The following PRMT8 variants were observed in gnomAD, a reference collection of about 807,000 sequenced individuals.
The protein encoded by PRMT8 is protein arginine N-methyltransferase 8.
A neutral mutation model predicts 47.1 loss-of-function variants in PRMT8; 7 were observed. The observed-to-expected ratio is 0.15, with a 90% CI of 0.08 to 0.28. The LOEUF (loss-of-function observed/expected upper bound fraction) is 0.28, where lower values mean the gene tolerates loss of function less well. PRMT8 is among the 10% of genes least tolerant of loss of function. The pLI, the probability that PRMT8 is intolerant of heterozygous loss-of-function variation, is 1.00. For missense variants in PRMT8, 237 were observed against 505.4 expected (o/e 0.47, Z 5.09); for synonymous variants, 188 against 186.5 (o/e 1.01, Z -0.07).
At chr12:3,490,821 G>T (rs1478880387), upstream of PRMT8, among the ~76,000 whole-genome samples, 1 of 149,094 alleles carries the variant, frequency 6.7e-6, no homozygotes, top group African/African-American at 2.4e-5. Flanking sequence ...ATCGTAATTC[G>T]CCGAGGAAGG....
At position 3,409,394 on chromosome 12, in the gene PRMT8, G is replaced by A. The variant is rs1166246981; in HGVS notation, c.48+27952G>A. Reference sequence around the variant, plus strand: ...CAGGCCCTGGGGAATAAGGCACCACGTAGTGGTGTCTCTAGACCTTGGGAT... The same window carrying A: ...CAGGCCCTGGGGAATAAGGCACCACATAGTGGTGTCTCTAGACCTTGGGAT... On this transcript the variant is annotated intron_variant, in intron 1 of 9. Coordinates refer to the PRMT8 transcript ENST00000452611. The surrounding 1 kb of genome is among the most constrained non-coding windows in gnomAD (Gnocchi z 4.4). Among the ~76,000 whole-genome samples the A allele has an allele frequency of 6.6e-6, 1 of 152,174 alleles. No individual in the cohort carries two copies. Among genetic ancestry groups the A allele is most frequent in the African/African-American group, 2.4e-5 (1 of 41,438 alleles).
chr12:3,474,052 C>T (rs553596951), intron 1 of PRMT8, among the ~76,000 whole-genome samples: 1 of 152,346 alleles, frequency 6.6e-6, no homozygotes, highest in Admixed American at 6.5e-5. Flanking sequence ...CCAGTCCATT[C>T]ACACAGCTGC....
intron 1 of PRMT8, among the ~76,000 whole-genome samples, chr12:3,440,301 A>G (rs1480218521): frequency 6.6e-6 from 1 of 152,006 alleles, no homozygotes; most frequent in African/African-American, 2.4e-5. Context: ...TCTACTAAAT[A>G]TACAAAAAAA....
intron 1 of PRMT8, among the ~76,000 whole-genome samples, chr12:3,424,823 G>A (rs765015296): frequency 2.0e-5 from 3 of 152,196 alleles, no homozygotes; most frequent in Middle Eastern, 3.4e-3. Flanking sequence ...GTATATACTG[G>A]GAACAGTCCT....
At chr12:3,491,802 T>G in intron 1 of PRMT8, 102 bp downstream of exon 1, 1 of 1,299,006 alleles carries the variant, frequency 7.7e-7, no homozygotes, top group East Asian at 3.2e-5. Flanking sequence ...TTTCCCCAGT[T>G]TCATCCCGCT....
chr12:3,471,959 C>T (rs1205340669), intron 1 of PRMT8, among the ~76,000 whole-genome samples: 2 of 151,994 alleles, frequency 1.3e-5, no homozygotes, highest in African/African-American at 4.8e-5. Flanking sequence ...AAGAGCGGGT[C>T]TCCCAAGACT....
intron 1 of PRMT8, among the ~76,000 whole-genome samples, chr12:3,448,059 C>A (rs1047602590): frequency 6.6e-6 from 1 of 152,154 alleles, no homozygotes; most frequent in South Asian, 2.1e-4. Flanking sequence ...GTGGTGTGAT[C>A]GATCATATCT....
At position 3,570,083 on chromosome 12, in the gene PRMT8, G is replaced by A. The variant is rs1330645555; in HGVS notation, c.712+519G>A. ...ATAGCAGAGGGGGTGGGAAAGAGTG[G>A]AGATTTTGCTTTGAACAATCAAACG... On this transcript the variant is annotated intron_variant, in intron 6 of 9. Transcript: ENST00000382622. The surrounding 1 kb of genome is among the most constrained non-coding windows in gnomAD (Gnocchi z 5.5). Among the ~76,000 whole-genome samples the A allele has an allele frequency of 6.6e-6, 1 of 151,304 alleles. No homozygotes were observed. Among genetic ancestry groups the A allele is most frequent in the Non-Finnish European group, 1.5e-5 (1 of 67,778 alleles).
chr12:3,506,882 G>A (rs1865635090), intron 1 of PRMT8, among the ~76,000 whole-genome samples: 1 of 152,074 alleles, frequency 6.6e-6, no homozygotes, highest in Admixed American at 6.5e-5. Context: ...AGGTAGGAGA[G>A]AGAGATACAC....
intron 1 of PRMT8, among the ~76,000 whole-genome samples, chr12:3,480,538 C>T (rs1281116566): frequency 1.3e-5 from 2 of 152,134 alleles, no homozygotes; most frequent in African/African-American, 4.8e-5. Flanking sequence ...CCACTCCCCA[C>T]CCCCATTTCT....
chr12:3,496,018 T>C (rs959612588), intron 1 of PRMT8, among the ~76,000 whole-genome samples: 1 of 151,796 alleles, frequency 6.6e-6, no homozygotes, highest in African/African-American at 2.4e-5. Flanking sequence ...CAATGCCCAA[T>C]TATGAACCAT....
chr12:3,398,940 A>T (rs1476727545), intron 1 of PRMT8, among the ~76,000 whole-genome samples: 1 of 152,166 alleles, frequency 6.6e-6, no homozygotes, highest in Non-Finnish European at 1.5e-5. Context: ...GAGGATGGAG[A>T]TGAAAGTCCA....
At chr12:3,590,835 A>T (rs1450438556) in intron 8 of PRMT8, among the ~76,000 whole-genome samples, 1 of 152,068 alleles carries the variant, frequency 6.6e-6, no homozygotes, top group African/African-American at 2.4e-5. Flanking sequence ...CATTTATTCA[A>T]TACTCGTAGA....
Position 3,540,638 on chromosome 12 carries a change from C to CCCCCCCCCCG in PRMT8, c.108_109insCCCCCCCCCG (p.Val37ProfsTer8). 1 of 1,589,470 alleles carries CCCCCCCCCCG rather than the reference C, an allele frequency of 6.3e-7. No homozygotes were observed. The highest frequency in any genetic ancestry group is 8.6e-7 in the Non-Finnish European group (1 of 1,158,726). On this transcript the variant is annotated frameshift_variant, in exon 2 of 10. Coordinates refer to ENST00000382622, the MANE Select transcript of PRMT8 (RefSeq NM_019854.5). LOFTEE classifies it high-confidence loss of function. ...GCCCCCCCTCCCAGCCCCCCCAGCC[C>CCCCCCCCCCG]GTCGTCCCTGCTAAGCCCGTGCAAT...
At chr12:3,448,099 C>G (rs150411813) in intron 1 of PRMT8, among the ~76,000 whole-genome samples, 2 of 152,284 alleles carry the variant, frequency 1.3e-5, no homozygotes, top group Non-Finnish European at 2.9e-5. Context: ...TGGGCTCAAG[C>G]GATCCTCCAG....
chr12:3,545,997 G>GT (rs1048341575), intron 2 of PRMT8, among the ~76,000 whole-genome samples: 1 of 152,182 alleles, frequency 6.6e-6, no homozygotes, highest in African/African-American at 2.4e-5. Flanking sequence ...TGCAGAGTAT[G>GT]TTTTTTGATC....
At chr12:3,414,567 GCT>G (rs1191580771) in intron 1 of PRMT8, among the ~76,000 whole-genome samples, 1 of 152,170 alleles carries the variant, frequency 6.6e-6, no homozygotes, top group Admixed American at 6.5e-5. Flanking sequence ...GCTGGAGCAG[GCT>G]CTGTTGAGGC....
chr12:3,487,567 G>A (rs1865334498), upstream of PRMT8, among the ~76,000 whole-genome samples: 3 of 152,142 alleles, frequency 2.0e-5, no homozygotes, highest in Admixed American at 2.0e-4. Context: ...GCGTTTGTGG[G>A]GCCTCTACAT....
chr12:3,558,957 T>C (rs1306440279), intron 4 of PRMT8, among the ~76,000 whole-genome samples: 1 of 133,182 alleles, frequency 7.5e-6, no homozygotes, highest in African/African-American at 2.9e-5. Context: ...TGTCTATCTA[T>C]CTACCTATCT....
Sources: gnomAD v4.1 joint callset for allele counts (sites outside exome capture counted in the v4.1 genomes callset) on GRCh38, gnomAD v4.1.1 for gene constraint, Gnocchi (gnomAD v3.1) non-coding constraint, MANE v1.5 for transcripts, NCBI Gene and HGNC (gene_info 2026-07-23, HGNC 2026-07-21) for gene names.